LAMA3: variants seen among roughly 807,000 people sequenced by gnomAD.
The protein encoded by LAMA3 is laminin subunit alpha-3.
LAMA3 carries 281 observed loss-of-function variants against 402.0 expected under a neutral mutation model. The ratio of observed to expected loss-of-function variants is 0.70; its 90% CI spans 0.63 to 0.77. The LOEUF is 0.77. Among genes scored for constraint, LAMA3 ranks in the 30% least tolerant of loss-of-function variants. The probability of loss-of-function intolerance (pLI) is 0.00; values close to 1 mark genes in which losing one functional copy is unlikely to be tolerated. For synonymous variants in LAMA3, 1,431 were observed against 1,558.4 expected, an observed-to-expected ratio of 0.92 and a Z score of 1.93; for missense variants, 3,840 against 4,215.5, an observed-to-expected ratio of 0.91 and a Z score of 2.47.
intron 1 of LAMA3, among the ~76,000 whole-genome samples, chr18:23,704,244 T>C (rs1220838660): frequency 6.6e-6 from 1 of 152,160 alleles, no homozygotes; most frequent in Non-Finnish European, 1.5e-5. Flanking sequence ...ATACATCTGA[T>C]AGTGGGCAGG....
intron 32 of LAMA3, among the ~76,000 whole-genome samples, chr18:23,850,216 G>A (rs184599991): frequency 1.3e-5 from 2 of 152,174 alleles, no homozygotes; most frequent in African/African-American, 4.8e-5. Context: ...CTGAAAAATT[G>A]CAATTCTCAA....
At chr18:23,699,024 T>TAGAGAGAGAGAGAGAGAGAGAGAGAG (rs34691495) in intron 1 of LAMA3, among the ~76,000 whole-genome samples, 78 of 142,550 alleles carry the variant, frequency 5.5e-4, no homozygotes, top group African/African-American at 2.1e-3. Flanking sequence ...GGCGGGCAGA[T>TAGAGAGAGAGAGAGAGAGAGAGAGAG]AGAGAGAGAG....
At chr18:23,925,485 G>T (rs1232717493) in intron 62 of LAMA3, among the ~76,000 whole-genome samples, 3 of 152,152 alleles carry the variant, frequency 2.0e-5, no homozygotes, top group African/African-American at 7.2e-5. Flanking sequence ...AAATGAAAAT[G>T]ATCCAAAAAG....
At chr18:23,733,432 C>G (rs1175474471) in intron 2 of LAMA3, among the ~76,000 whole-genome samples, 2 of 152,022 alleles carry the variant, frequency 1.3e-5, no homozygotes, top group Non-Finnish European at 2.9e-5. Flanking sequence ...GAATGAGAAC[C>G]AAGCAAAAGG....
intron 30 of LAMA3, among the ~76,000 whole-genome samples, chr18:23,845,887 G>A (rs1016779834): frequency 6.6e-6 from 1 of 152,076 alleles, no homozygotes; most frequent in Admixed American, 6.6e-5. Flanking sequence ...TATTACTAAG[G>A]TTTCCAGCAC....
At chr18:23,929,748 C>A (rs1334017894) in intron 64 of LAMA3, among the ~76,000 whole-genome samples, 5 of 152,212 alleles carry the variant, frequency 3.3e-5, no homozygotes, top group Admixed American at 2.0e-4. Context: ...CATGCTAACA[C>A]TTAGACTATA....
chr18:23,920,023 G>A (rs1025813341), intron 60 of LAMA3, among the ~76,000 whole-genome samples: 1 of 152,066 alleles, frequency 6.6e-6, no homozygotes, highest in Non-Finnish European at 1.5e-5. Context: ...GAAGGATCAA[G>A]AATGATTCCT....
Position 23,815,225 on chromosome 18 carries a change from T to C in LAMA3, c.1926T>C (p.Thr642=), listed in dbSNP as rs1568213109. The C allele has an allele frequency of 6.2e-7, 1 of 1,614,126 alleles. No individual in the cohort carries two copies. The highest frequency in any genetic ancestry group is 8.5e-7 in the Non-Finnish European group (1 of 1,179,980). ...ATAAGGCGGGAACAGTGAGTGGAAC[T>C]GGAGAGTGTAGGCAGGTAAAGTGGG... ...KCHKAGTVSG[T]GECRQGDGDC... is the part of the protein sequence containing the mutation. Residue 642 remains threonine, a synonymous_variant, in exon 16 of 75, where the codon ACT becomes ACC. Coordinates refer to ENST00000313654, the MANE Select transcript of LAMA3 (RefSeq NM_198129.4).
intron 1 of LAMA3, among the ~76,000 whole-genome samples, chr18:23,711,062 A>G (rs575634107): frequency 1.3e-5 from 2 of 152,292 alleles, no homozygotes; most frequent in African/African-American, 2.4e-5. Context: ...TGGTTTGACA[A>G]GTTGTTTTTG....
intron 33 of LAMA3, 58 bp downstream of exon 33, chr18:23,858,046 T>G: frequency 6.2e-7 from 1 of 1,603,846 alleles, no homozygotes; most frequent in Non-Finnish European, 8.5e-7. Context: ...AAGTGCTTCA[T>G]GTTGAGTCAA....
At chr18:23,919,621 A>G (rs980587713) in intron 60 of LAMA3, among the ~76,000 whole-genome samples, 1 of 152,238 alleles carries the variant, frequency 6.6e-6, no homozygotes, top group African/African-American at 2.4e-5. Context: ...GCATTTGAAC[A>G]GGACATGGGG....
chr18:23,871,741 G>A, intron 38 of LAMA3, 80 bp downstream of exon 38: 1 of 1,105,354 alleles, frequency 9.0e-7, no homozygotes, highest in Admixed American at 2.0e-5. Context: ...ACTGTGGGAT[G>A]GTTTGGGGCC....
chr18:23,789,004 G>A (rs2144058858), intron 12 of LAMA3, among the ~76,000 whole-genome samples: 1 of 151,490 alleles, frequency 6.6e-6, no homozygotes, highest in East Asian at 1.9e-4. Flanking sequence ...AATTAAAAAG[G>A]CAACCTGAAA....
intron 6 of LAMA3, among the ~76,000 whole-genome samples, chr18:23,754,236 A>G (rs1345167919): frequency 1.3e-5 from 2 of 152,342 alleles, no homozygotes; most frequent in East Asian, 3.9e-4. Context: ...GTGACAGTTC[A>G]GTAGTGGTAA....
At chr18:23,744,647 C>T (rs1012336117) in intron 2 of LAMA3, among the ~76,000 whole-genome samples, 16 of 151,634 alleles carry the variant, frequency 1.1e-4, no homozygotes, top group African/African-American at 3.6e-4. Context: ...CTGGCTAACA[C>T]GGTGAAACCC....
chr18:23,806,043 T>G (rs1264867530), intron 12 of LAMA3, among the ~76,000 whole-genome samples: 1 of 152,196 alleles, frequency 6.6e-6, no homozygotes, highest in African/African-American at 2.4e-5. Flanking sequence ...TTGCTAGACT[T>G]CCCAGCTGTT....
At chr18:23,758,533 GGGCCACACGT>G in intron 7 of LAMA3, 22 bp downstream of exon 7, 2 of 1,533,084 alleles carry the variant, frequency 1.3e-6, no homozygotes, top group Non-Finnish European at 1.8e-6. Flanking sequence ...GATGGGGTGG[GGGCCACACGT>G]GGCCTTCTCC....
intron 44 of LAMA3, among the ~76,000 whole-genome samples, 161 bp downstream of exon 44, chr18:23,895,219 T>A (rs1351506491): frequency 6.6e-6 from 1 of 152,270 alleles, no homozygotes; most frequent in Non-Finnish European, 1.5e-5. Context: ...TGGAAAATCA[T>A]TTTTGTGAAC....
intron 12 of LAMA3, among the ~76,000 whole-genome samples, chr18:23,800,544 A>G (rs1048869263): frequency 1.7e-4 from 26 of 152,290 alleles, no homozygotes; most frequent in Middle Eastern, 3.4e-3. Flanking sequence ...TGAACATTCA[A>G]AATCCTCTCT....
Sources: gnomAD v4.1 joint callset for allele counts (sites outside exome capture counted in the v4.1 genomes callset) on GRCh38, gnomAD v4.1.1 for gene constraint, MANE v1.5 for transcripts, NCBI Gene and HGNC (gene_info 2026-07-23, HGNC 2026-07-21) for gene names.